Variants in TC2N observed in about 807,000 individuals in gnomAD.
TC2N encodes the protein tandem C2 domains, nuclear, also known as tandem C2 domains nuclear protein.
A neutral mutation model predicts 61.9 loss-of-function variants in TC2N; 51 were observed. The observed-to-expected ratio is 0.82, with a 90% confidence interval of 0.66 to 1.04. The LOEUF (loss-of-function observed/expected upper bound fraction) is 1.04, where lower values mean the gene tolerates loss of function less well. Among genes scored for constraint, TC2N ranks in the 50% least tolerant of loss-of-function variants. The pLI, the probability that TC2N is intolerant of heterozygous loss-of-function variation, is 0.00. For missense variants in TC2N, 556 were observed against 566.7 expected, an observed-to-expected ratio of 0.98 and a Z score of 0.19; for synonymous variants, 204 against 192.6, an observed-to-expected ratio of 1.06 and a Z score of -0.49.
chr14:91,796,214 A>G (rs1885888603), intron 8 of TC2N, among the ~76,000 whole-genome samples: 1 of 152,062 alleles, frequency 6.6e-6, no homozygotes, highest in African/African-American at 2.4e-5. Context: ...TCAATGATAC[A>G]TATTTTCATA....
chr14:91,827,964 T>C (rs1170131712), intron 1 of TC2N, among the ~76,000 whole-genome samples: 1 of 152,160 alleles, frequency 6.6e-6, no homozygotes, highest in Non-Finnish European at 1.5e-5. Context: ...CCACAAAACA[T>C]TATTATTCTT....
chr14:91,834,285 CG>C (rs1887910987), intron 1 of TC2N, among the ~76,000 whole-genome samples: 1 of 152,072 alleles, frequency 6.6e-6, no homozygotes, highest in Non-Finnish European at 1.5e-5. Context: ...TTGGATGGGG[CG>C]GGGCATAACT....
chr14:91,860,551 G>A lies in TC2N; in HGVS notation c.-57+6711C>T, dbSNP rs574409596. On this transcript the variant is annotated intron_variant, in intron 1 of 11. Transcript: ENST00000435962. ...CTAGTCTTCTGTGAAATGCTGACCT[G>A]CACAATATGAAGTCCAAACTCAACT... 2.0e-5 allele frequency among the ~76,000 whole-genome samples: 3 copies of A among 152,286 alleles called. No homozygotes were observed. In the South Asian group the frequency reaches 6.2e-4, roughly 32 times the overall value.
chr14:91,798,923 T>C, intron 6 of TC2N, 66 bp downstream of exon 6: 1 of 1,062,970 alleles, frequency 9.4e-7, no homozygotes, highest in Non-Finnish European at 1.4e-6. Context: ...TATATACACT[T>C]TCAAGTTACT....
intron 9 of TC2N, among the ~76,000 whole-genome samples, chr14:91,788,420 T>C (rs576400910): frequency 1.1e-4 from 16 of 152,302 alleles, no homozygotes; most frequent in African/African-American, 3.6e-4. Flanking sequence ...AAAAACACTA[T>C]TGTTTACATG....
At chr14:91,816,207 C>G (rs1483003228) in intron 1 of TC2N, among the ~76,000 whole-genome samples, 1 of 151,712 alleles carries the variant, frequency 6.6e-6, no homozygotes, top group Non-Finnish European at 1.5e-5. Context: ...CCAAAATTCT[C>G]TCTGAAGCAC....
chr14:91,814,630 C>T (rs1886931274), intron 1 of TC2N, among the ~76,000 whole-genome samples: 2 of 150,950 alleles, frequency 1.3e-5, no homozygotes. Context: ...AAAGAAAAAA[C>T]ATTCAAAGAA....
At chr14:91,823,530 A>AG (rs1249684290) in intron 1 of TC2N, among the ~76,000 whole-genome samples, 9 of 108,870 alleles carry the variant, frequency 8.3e-5, no homozygotes, top group African/African-American at 1.3e-4. Flanking sequence ...CAAAAAAAAA[A>AG]AAAAAGAAAA....
chr14:91,797,962 TGTATTTCTTGAG>T lies in TC2N; in HGVS notation c.739-73_739-62del, dbSNP rs1885994297. The T allele has an allele frequency of 2.4e-5, 27 of 1,114,554 alleles. 1 individual carries two copies. The South Asian group carries it at 3.5e-4, about 14-fold the overall frequency. 69.0% of individuals were successfully genotyped at this position (1,114,554 alleles called of 1,614,324 possible). The stretch of plus-strand genomic sequence containing the variant: ...AGGATCCAACAATACAAACATTTGA[TGTATTTCTTGAG>T]GTACTGACTTTAGATAAAAACTGCA... On this transcript the variant is annotated intron_variant, in intron 7 of 11. Coordinates refer to ENST00000435962, the MANE Select transcript of TC2N (RefSeq NM_001128596.3).
intron 1 of TC2N, among the ~76,000 whole-genome samples, chr14:91,818,600 A>C (rs1019531379): frequency 6.6e-6 from 1 of 152,154 alleles, no homozygotes; most frequent in African/African-American, 2.4e-5. Flanking sequence ...AAACAACCTA[A>C]AATTGAGACA....
At chr14:91,820,426 T>C (rs971352885) in intron 1 of TC2N, among the ~76,000 whole-genome samples, 4 of 151,600 alleles carry the variant, frequency 2.6e-5, no homozygotes, top group African/African-American at 7.3e-5. Flanking sequence ...ATATTCGTGA[T>C]AAAAATACTG....
At chr14:91,812,569 T>G (rs756973422) in intron 2 of TC2N, 24 bp from the exon 3 acceptor site, 3 of 1,204,406 alleles carry the variant, frequency 2.5e-6, no homozygotes, top group Non-Finnish European at 3.6e-6. Context: ...AAAAAAAAAG[T>G]CACAAATATG....
At chr14:91,826,319 G>GAA (rs61107451) in intron 1 of TC2N, among the ~76,000 whole-genome samples, 5,550 of 139,760 alleles carry the variant, frequency 0.04, 257 homozygotes, top group Admixed American at 0.069. Context: ...GACCTTGTCT[G>GAA]AAAAAAAAAA....
chr14:91,794,392 C>T (rs567356923), intron 8 of TC2N, among the ~76,000 whole-genome samples: 1 of 152,176 alleles, frequency 6.6e-6, no homozygotes, highest in African/African-American at 2.4e-5. Context: ...GTAGGACTTT[C>T]ACAGTTATGG....
chr14:91,793,464 T>A (rs1046976303), intron 8 of TC2N, among the ~76,000 whole-genome samples: 9 of 152,224 alleles, frequency 5.9e-5, no homozygotes, highest in Admixed American at 2.6e-4. Flanking sequence ...AATTGAAGGT[T>A]CGTGGCAACA....
chr14:91,831,140 TTCCTA>T (rs1887751101), intron 1 of TC2N, among the ~76,000 whole-genome samples: 2 of 149,932 alleles, frequency 1.3e-5, no homozygotes, highest in African/African-American at 5.1e-5. Flanking sequence ...GGCATGTTAA[TTCCTA>T]TCTTTTGAAT....
chr14:91,852,830 T>G (rs889310026), intron 1 of TC2N, among the ~76,000 whole-genome samples: 1 of 152,078 alleles, frequency 6.6e-6, no homozygotes, highest in Admixed American at 6.5e-5. Context: ...CTCAGCACTT[T>G]GGGAGGCAGA....
intron 3 of TC2N, among the ~76,000 whole-genome samples, chr14:91,804,002 C>T (rs1288259737): frequency 6.6e-6 from 1 of 152,024 alleles, no homozygotes; most frequent in Non-Finnish European, 1.5e-5. Flanking sequence ...ATGAGGAACA[C>T]CTACAAATCA....
chr14:91,791,109 C>G (rs1433327808), intron 9 of TC2N, among the ~76,000 whole-genome samples: 1 of 146,356 alleles, frequency 6.8e-6, no homozygotes, highest in Non-Finnish European at 1.5e-5. Context: ...CCATGCTGGG[C>G]TACAGAGCTT....
Sources: allele counts gnomAD v4.1 joint callset (sites outside exome capture counted in the v4.1 genomes callset), GRCh38; gene constraint gnomAD v4.1.1; transcripts MANE v1.5; gene names NCBI Gene and HGNC (gene_info 2026-07-23, HGNC 2026-07-21).